Variants in NAA11 observed in about 807,000 individuals in gnomAD.
NAA11 encodes N-alpha-acetyltransferase 11, NatA catalytic subunit.
In NAA11, 15 loss-of-function variants were observed where a neutral mutation model predicts 16.1. The ratio of observed to expected loss-of-function variants is 0.93; its 90% CI spans 0.62 to 1.44. The LOEUF (loss-of-function observed/expected upper bound fraction) is 1.44, where lower values mean the gene tolerates loss of function less well. Among genes scored for constraint, NAA11 ranks in the 40% most tolerant of loss-of-function variants. The probability of loss-of-function intolerance (pLI) is 0.00; values close to 1 mark genes in which losing one functional copy is unlikely to be tolerated. For missense variants in NAA11, 298 were observed against 291.3 expected (o/e 1.02, Z -0.17); for synonymous variants, 122 against 112.4 (o/e 1.09, Z -0.54).
At chr4:79,318,451 A>G (rs1419650241) in intron 1 of NAA11, among the ~76,000 whole-genome samples, 1 of 152,150 alleles carries the variant, frequency 6.6e-6, no homozygotes, top group Non-Finnish European at 1.5e-5. Context: ...TGAGAGGTCC[A>G]TTCATTCATT....
the NAA11 span, among the ~76,000 whole-genome samples, chr4:79,167,407 A>T: frequency 6.6e-6 from 1 of 150,926 alleles, no homozygotes; most frequent in South Asian, 2.1e-4. Context: ...ATCAGTCTAA[A>T]TCAAGTCCAA....
chr4:79,281,518 C>T (rs1156787331), intron 2 of NAA11, among the ~76,000 whole-genome samples: 1 of 152,000 alleles, frequency 6.6e-6, no homozygotes, highest in Non-Finnish European at 1.5e-5. Context: ...AGTGATACCA[C>T]AGTGCACAAA....
At chr4:79,220,794 A>C (rs1232808473), downstream of NAA11, among the ~76,000 whole-genome samples, 1 of 152,100 alleles carries the variant, frequency 6.6e-6, no homozygotes, top group Non-Finnish European at 1.5e-5. Flanking sequence ...GTATAGTTTG[A>C]AGTCAGGTAG....
intron 2 of NAA11, among the ~76,000 whole-genome samples, chr4:79,257,979 T>A (rs765566285): frequency 2.0e-5 from 3 of 152,192 alleles, no homozygotes; most frequent in Non-Finnish European, 4.4e-5. Flanking sequence ...ATATGTGGGG[T>A]AATGCATATG....
At chr4:79,198,748 G>A in the NAA11 span, among the ~76,000 whole-genome samples, 1 of 151,906 alleles carries the variant, frequency 6.6e-6, no homozygotes, top group South Asian at 2.1e-4. Context: ...TGTTCAACAA[G>A]AGCGGTCTTG....
At chr4:79,294,715 G>C (rs1017177861) in intron 1 of NAA11, among the ~76,000 whole-genome samples, 3 of 151,954 alleles carry the variant, frequency 2.0e-5, no homozygotes, top group African/African-American at 7.3e-5. Context: ...GAGGAAAGAG[G>C]ATTTTAAATT....
At chr4:79,180,469 A>G in the NAA11 span, among the ~76,000 whole-genome samples, 1 of 152,228 alleles carries the variant, frequency 6.6e-6, no homozygotes, top group Non-Finnish European at 1.5e-5. Context: ...GCCAACAGAC[A>G]CAGGAAAAAA....
At chr4:79,246,227 C>T (rs978969727) in intron 2 of NAA11, among the ~76,000 whole-genome samples, 1 of 152,092 alleles carries the variant, frequency 6.6e-6, no homozygotes, top group Non-Finnish European at 1.5e-5. Context: ...CCCAGGGACA[C>T]AAACACTGCG....
intron 1 of NAA11, among the ~76,000 whole-genome samples, chr4:79,297,229 G>A (rs1438494148): frequency 6.6e-6 from 1 of 152,216 alleles, no homozygotes; most frequent in Non-Finnish European, 1.5e-5. Context: ...CAGGAACTAG[G>A]GACAAGCGAG....
chr4:79,216,282 GTTTATTTA>G, the NAA11 span, among the ~76,000 whole-genome samples: 2 of 151,942 alleles, frequency 1.3e-5, no homozygotes, highest in African/African-American at 4.8e-5. Context: ...TATTATTATA[GTTTATTTA>G]TTTGCACATT....
chr4:79,254,199 C>G (rs1722052863), intron 2 of NAA11, among the ~76,000 whole-genome samples: 1 of 152,236 alleles, frequency 6.6e-6, no homozygotes, highest in Non-Finnish European at 1.5e-5. Context: ...AAGAGGGAAG[C>G]ATTTCTGTTT....
At chr4:79,220,357 T>A in the NAA11 span, among the ~76,000 whole-genome samples, 1 of 152,034 alleles carries the variant, frequency 6.6e-6, no homozygotes, top group South Asian at 2.1e-4. Flanking sequence ...CCTCCCAAAG[T>A]GCTGGGATTA....
chr4:79,243,634 C>G (rs9715410), intron 2 of NAA11, among the ~76,000 whole-genome samples: 108,218 of 152,150 alleles, frequency 0.71, 40,667 homozygotes, highest in East Asian at 0.89. Context: ...AAGGTACCTC[C>G]AGTTACCAGT....
chr4:79,280,547 G>A (rs939462605), intron 2 of NAA11, among the ~76,000 whole-genome samples: 20 of 151,732 alleles, frequency 1.3e-4, no homozygotes, highest in Admixed American at 3.9e-4. Context: ...TTGTTTTGTC[G>A]TTTCTTCTTG....
intron 2 of NAA11, among the ~76,000 whole-genome samples, chr4:79,291,685 A>G (rs568667434): frequency 2.0e-5 from 3 of 152,100 alleles, no homozygotes; most frequent in African/African-American, 7.2e-5. Flanking sequence ...GATCACCCCA[A>G]TGCACTCCTG....
chr4:79,242,651 G>A (rs936958606), intron 2 of NAA11, among the ~76,000 whole-genome samples: 6 of 152,106 alleles, frequency 3.9e-5, no homozygotes, highest in Non-Finnish European at 7.4e-5. Context: ...TGTGTTTTCT[G>A]TCTCATTCCA....
At chr4:79,281,275 A>G (rs1019017424) in intron 2 of NAA11, among the ~76,000 whole-genome samples, 2 of 139,280 alleles carry the variant, frequency 1.4e-5, no homozygotes, top group African/African-American at 5.6e-5. Flanking sequence ...CAGATGGAGG[A>G]AAAAAAAAAA....
the NAA11 span, among the ~76,000 whole-genome samples, chr4:79,189,145 CAAAAA>C: frequency 4.7e-5 from 2 of 42,298 alleles, no homozygotes; most frequent in South Asian, 2.3e-3. Context: ...GACTCCATCT[CAAAAA>C]AAAAAAAAAA....
chr4:79,276,818 G>GA (rs1722660307), intron 2 of NAA11, among the ~76,000 whole-genome samples: 1 of 152,116 alleles, frequency 6.6e-6, no homozygotes, highest in Admixed American at 6.6e-5. Flanking sequence ...GTCCCATGGG[G>GA]AATACCAGAT....
Sources: gnomAD v4.1 joint callset for allele counts (sites outside exome capture counted in the v4.1 genomes callset) on GRCh38, gnomAD v4.1.1 for gene constraint, MANE v1.5 for transcripts, NCBI Gene and HGNC (gene_info 2026-07-23, HGNC 2026-07-21) for gene names.